The following APOB variants were observed in gnomAD, a reference collection of about 807,000 sequenced individuals.
APOB encodes the protein apolipoprotein B-100.
APOB carries 153 observed loss-of-function variants against 314.1 expected under a neutral mutation model. That is an observed-to-expected ratio of 0.49 (90% confidence interval 0.43 to 0.56). APOB has a LOEUF of 0.56. Ranked by LOEUF, APOB falls within the 20% of genes least tolerant of loss-of-function variation. The probability of loss-of-function intolerance (pLI) is 0.00; values close to 1 mark genes in which losing one functional copy is unlikely to be tolerated. For synonymous variants in APOB, 2,087 were observed against 2,036.4 expected (o/e 1.02, Z -0.67); for missense variants, 5,430 against 5,350.7 (o/e 1.01, Z -0.46).
Position 21,010,530 on chromosome 2 carries a change from G to A in APOB, c.6338C>T (p.Ala2113Val), listed in dbSNP as rs79087014. Reference sequence around the variant, plus strand: ...TTGCTGTGGGAGTTTTCCCAGGGCTGCTCTGTATTTTCTTACAAATTGATC... The same window carrying A: ...TTGCTGTGGGAGTTTTCCCAGGGCTACTCTGTATTTTCTTACAAATTGATC... Reference protein sequence around the residue: ...NIDQFVRKYRAALGKLPQQAN... With the variant: ...NIDQFVRKYRVALGKLPQQAN... The change falls in exon 26 of 29, where the codon GCA (alanine) becomes GTA (valine). Residue 2113 changes from alanine (A) to valine (V), a missense_variant. Around this residue, in one of 3 missense-constraint regions of APOB, gnomAD observed 3,281 missense variants for 3,171.0 expected, o/e 1.03. Transcript: ENST00000233242. 7 of 1,610,110 alleles carry A rather than the reference G, an allele frequency of 4.3e-6. No homozygotes were observed. Among genetic ancestry groups the A allele is most frequent in the Non-Finnish European group, 4.2e-6 (5 of 1,177,156 alleles).
chr2:21,027,145 T>A (rs2103374153), intron 14 of APOB, among the ~76,000 whole-genome samples, 181 bp from the exon 15 acceptor site: 1 of 152,284 alleles, frequency 6.6e-6, no homozygotes, highest in East Asian at 1.9e-4. Context: ...TTGACCTTAT[T>A]ACTTGCTTTT....
rs372285849 is a variant in APOB at position 21,004,715 on chromosome 2, A to T, written c.11789-40T>A. The T allele has an allele frequency of 1.6e-5, 23 of 1,438,666 alleles. No homozygotes were observed. In the African/African-American group the frequency reaches 2.9e-4, roughly 18 times the overall value. 89.1% of individuals were successfully genotyped at this position (1,438,666 alleles called of 1,614,324 possible). On this transcript the variant is annotated intron_variant, in intron 26 of 28. Coordinates refer to ENST00000233242, the MANE Select transcript of APOB (RefSeq NM_000384.3). ...TTTTGTATTTTATTAGATTCATAAC[A>T]GTAGGACGTTGATGTTTTCATTGTG...
Position 21,002,842 on chromosome 2 carries a change from T to A in APOB, c.12580A>T (p.Ile4194Phe). 6.2e-7 allele frequency: 1 copy of A among 1,612,986 alleles called. No individual in the cohort carries two copies. Among genetic ancestry groups the A allele is most frequent in the East Asian group, 2.2e-5 (1 of 44,868 alleles). Residue 4194 changes from isoleucine (I) to phenylalanine (F), a missense_variant, in exon 29 of 29, where the codon ATT becomes TTT. By Grantham distance (21) the Ile-to-Phe change is conservative (BLOSUM62 0). Transcript: ENST00000233242. ...AATCTGGGGAAGTTCAGAAAATCAA[T>A]GAGTGAGTCAATCAGATGCTTGACT... ...MKVKHLIDSL[I>F]DFLNFPRFQF...
chr2:21,013,106 C>G, intron 25 of APOB, 54 bp downstream of exon 25: 4 of 1,609,918 alleles, frequency 2.5e-6, no homozygotes, highest in Non-Finnish European at 3.4e-6. Flanking sequence ...AGGCTCTCCT[C>G]TTAGAGCCTG....
At chr2:21,020,693 T>C (rs1190638346) in intron 18 of APOB, among the ~76,000 whole-genome samples, 1 of 152,222 alleles carries the variant, frequency 6.6e-6, no homozygotes, top group South Asian at 2.1e-4. Flanking sequence ...GGCCTGGTTT[T>C]TTCTAAGGAT....
In APOB at chr2:21,028,000, T is replaced by C; in HGVS notation, c.1895A>G (p.Lys632Arg). The stretch of plus-strand genomic sequence containing the variant: ...GTAGAGTTGATAGTTCCGAGAGAAT[T>C]TTCTGAAGTCCATGACAGTTGGAAG... The part of the protein sequence containing the change: ...SQLPTVMDFR[K>R]FSRNYQLYKS... The change falls in exon 14 of 29, where the codon AAA becomes AGA. Residue 632 changes from lysine (K) to arginine (R), a missense_variant. Transcript: ENST00000233242. 3.7e-6 allele frequency: 6 copies of C among 1,614,188 alleles called. No individual in the cohort carries two copies. Among genetic ancestry groups the C allele is most frequent in the Non-Finnish European group, 5.1e-6 (6 of 1,180,002 alleles).
At chr2:21,037,856 A>G in intron 5 of APOB, 102 bp downstream of exon 5, 1 of 1,447,036 alleles carries the variant, frequency 6.9e-7, no homozygotes, top group South Asian at 1.1e-5. Flanking sequence ...GTAACTAGTC[A>G]TGGAGCTGAC....
At chr2:21,033,859 A>G (rs540841792) in intron 8 of APOB, among the ~76,000 whole-genome samples, 9 of 152,310 alleles carry the variant, frequency 5.9e-5, no homozygotes, top group African/African-American at 2.2e-4. Context: ...AGAGATGAGG[A>G]AGTGTGACCC....
At position 21,001,855 on chromosome 2, in the gene APOB, G is replaced by C. The variant is rs773841094; in HGVS notation, c.13567C>G (p.Leu4523Val). Residue 4523 changes from leucine (L) to valine (V), a missense_variant, in exon 29 of 29, where the codon CTG (leucine) becomes GTG (valine). Leu to Val is a conservative substitution (Grantham distance 32). Coordinates refer to ENST00000233242, the MANE Select transcript of APOB (RefSeq NM_000384.3). ...FIAESKRLID[L>V]SIQNYHTFLI... ...AATGTGTGGTAGTTTTGAATGGACA[G>C]GTCAATCAATCTTTTGGATTCAGCA... 1 of 1,613,918 alleles carries C rather than the reference G, an allele frequency of 6.2e-7. No individual in the cohort carries two copies. Among genetic ancestry groups the C allele is most frequent in the East Asian group, 2.2e-5 (1 of 44,882 alleles).
At position 21,026,862 on chromosome 2, in the gene APOB, C is replaced by A. The variant is rs143425834; in HGVS notation, c.2170G>T (p.Gly724Cys). The change falls in exon 15 of 29, where the codon GGT becomes TGT. Residue 724 changes from glycine to cysteine, a missense_variant. By Grantham distance (159) the Gly-to-Cys change is radical. Around this residue, in one of 3 missense-constraint regions of APOB, gnomAD observed 2,085 missense variants for 2,079.7 expected, o/e 1.00. Coordinates refer to ENST00000233242, the MANE Select transcript of APOB (RefSeq NM_000384.3). ...TTAGAGACACCATCAGGAACTTGAC[C>A]ATTAACCCAGTACAAAGCTTTGTTG... is the stretch of plus-strand genomic sequence containing the variant. Reference protein sequence around the residue: ...SVNKALYWVNGQVPDGVSKVL... With the variant: ...SVNKALYWVNCQVPDGVSKVL... 112 of 1,614,110 alleles carry A rather than the reference C, an allele frequency of 6.9e-5. No individual in the cohort carries two copies. The highest frequency in any genetic ancestry group is 6.6e-4 in the Middle Eastern group (4 of 6,062).
rs1213556365 is a variant in APOB at position 21,041,066 on chromosome 2, G to A, written c.255C>T (p.Pro85=). The part of the protein sequence containing the change: ...RINCKVELEV[P]QLCSFILKTS... Reference sequence around the variant, plus strand: ...TCTTCAGGATGAAGCTGCAGAGCTGGGGAACCTCCAGCTCAACCTGAGAAT... The same window carrying A: ...TCTTCAGGATGAAGCTGCAGAGCTGAGGAACCTCCAGCTCAACCTGAGAAT... Residue 85 remains proline, a synonymous_variant, in exon 4 of 29, where the codon CCC becomes CCT. Transcript: ENST00000233242. The A allele has an allele frequency of 4.3e-6, 7 of 1,612,374 alleles. No individual in the cohort carries two copies. The highest frequency in any genetic ancestry group is 5.9e-6 in the Non-Finnish European group (7 of 1,179,754).
Position 21,006,593 on chromosome 2 carries a change from C to A in APOB, c.10275G>T (p.Val3425=). Reference sequence around the variant, plus strand: ...GAATTTGGGCTTTTGTGGTTGTTGCCACTGACACTTCCATATTTTTCGTGG... The same window carrying A: ...GAATTTGGGCTTTTGTGGTTGTTGCAACTGACACTTCCATATTTTTCGTGG... ...SLTTKNMEVS[V]ATTTKAQIPI... is the part of the protein sequence containing the mutation. The change falls in exon 26 of 29, where the codon GTG becomes GTT. Residue 3425 remains valine (V), a synonymous_variant. Coordinates refer to ENST00000233242, the MANE Select transcript of APOB (RefSeq NM_000384.3). The A allele has an allele frequency of 6.2e-7, 1 of 1,613,980 alleles. No individual in the cohort carries two copies.
intron 3 of APOB, among the ~76,000 whole-genome samples, chr2:21,041,774 C>T (rs901956021): frequency 7.2e-5 from 11 of 152,150 alleles, no homozygotes; most frequent in East Asian, 1.9e-4. Flanking sequence ...ACAAGAGCTA[C>T]GGTACTCTCT....
Position 21,022,842 on chromosome 2 carries a change from C to T in APOB, c.2805G>A (p.Leu935=). 1 of 1,614,180 alleles carries T rather than the reference C, an allele frequency of 6.2e-7. No homozygotes were observed. Among genetic ancestry groups the T allele is most frequent in the South Asian group, 1.1e-5 (1 of 91,086 alleles). ...IIPSPKRPVK[L]LSGGNTLHLV... Reference sequence around the variant, plus strand: ...GCTGAAAGAATTACCCTCCACTGAGCAGCTTGACTGGTCTCTTTGGGGAAG... The same window carrying T: ...GCTGAAAGAATTACCCTCCACTGAGTAGCTTGACTGGTCTCTTTGGGGAAG... The change falls in exon 18 of 29, where the codon CTG becomes CTA. Residue 935 remains leucine (L), a synonymous_variant. Transcript: ENST00000233242.
chr2:21,019,193 T>C, intron 19 of APOB, 80 bp from the exon 20 acceptor site: 1 of 1,568,086 alleles, frequency 6.4e-7, no homozygotes, highest in Non-Finnish European at 8.8e-7. Flanking sequence ...CAATTCAGCC[T>C]CAAATGCAAC....
At chr2:21,016,169 T>C (rs1663458028) in intron 21 of APOB, among the ~76,000 whole-genome samples, 1 of 152,154 alleles carries the variant, frequency 6.6e-6, no homozygotes, top group Admixed American at 6.5e-5. Flanking sequence ...GCACCTATAG[T>C]TCCAGCTCCT....
chr2:21,039,604 T>C (rs1317560711), intron 4 of APOB, among the ~76,000 whole-genome samples: 1 of 152,256 alleles, frequency 6.6e-6, no homozygotes, highest in East Asian at 1.9e-4. Context: ...TACTCTGATC[T>C]GATCACCATA....
intron 26 of APOB, 151 bp downstream of exon 26, chr2:21,004,929 C>T (rs1663086761): frequency 1.7e-5 from 19 of 1,087,316 alleles, no homozygotes; most frequent in South Asian, 1.3e-4. Context: ...TTGGTTTTTA[C>T]GTGTAGGGTA....
In APOB at chr2:21,008,789, G is replaced by C. The variant is rs764717489; in HGVS notation, c.8079C>G (p.Leu2693=). The change falls in exon 26 of 29, where the codon CTC becomes CTG. Residue 2693 remains leucine (L), a synonymous_variant. Transcript: ENST00000233242. The stretch of plus-strand genomic sequence containing the variant: ...GAATGTCCTCCACCTTCAGATCCCT[G>C]AGATATATATCTGGAACGGGCCACT... ...ELQWPVPDIY[L]RDLKVEDIPL... is the part of the protein sequence containing the mutation. 2 of 1,613,910 alleles carry C rather than the reference G, an allele frequency of 1.2e-6. No homozygotes were observed. The highest frequency in any genetic ancestry group is 1.3e-5 in the African/African-American group (1 of 74,902).
Sources: gnomAD v4.1 joint callset for allele counts (sites outside exome capture counted in the v4.1 genomes callset) on GRCh38, gnomAD v4.1.1 for gene constraint, gnomAD v4.1.1 regional missense constraint, MANE v1.5 for transcripts, NCBI Gene and HGNC (gene_info 2026-07-23, HGNC 2026-07-21) for gene names.